Variants in TMEFF1 observed in about 807,000 individuals in gnomAD.
TMEFF1 encodes the protein tomoregulin-1.
Under a neutral mutation model 47.5 loss-of-function variants are expected in TMEFF1, and 20 were observed. The ratio of observed to expected loss-of-function variants is 0.42; its 90% CI spans 0.30 to 0.61. The LOEUF (loss-of-function observed/expected upper bound fraction) is 0.61. TMEFF1 is among the 20% of genes least tolerant of loss of function. The probability of loss-of-function intolerance (pLI) is 0.19; values close to 1 mark genes in which losing one functional copy is unlikely to be tolerated. For synonymous variants in TMEFF1, 162 were observed against 166.3 expected (o/e 0.97, Z 0.20); for missense variants, 411 against 471.1 (o/e 0.87, Z 1.18).
intron 1 of TMEFF1, among the ~76,000 whole-genome samples, chr9:100,489,858 T>C (rs944061996): frequency 9.2e-5 from 14 of 152,282 alleles, no homozygotes; most frequent in African/African-American, 3.1e-4. Flanking sequence ...GAAGAGAGTG[T>C]CACAGCTCTG....
intron 1 of TMEFF1, among the ~76,000 whole-genome samples, chr9:100,481,059 A>C (rs1012236456): frequency 1.3e-5 from 2 of 152,168 alleles, no homozygotes; most frequent in African/African-American, 4.8e-5. Flanking sequence ...TTGGCTTGGA[A>C]TCTTCTTGTC....
At chr9:100,560,514 A>T (rs1425694858) in intron 7 of TMEFF1, among the ~76,000 whole-genome samples, 1 of 152,158 alleles carries the variant, frequency 6.6e-6, no homozygotes, top group Non-Finnish European at 1.5e-5. Context: ...ACAAAAATCC[A>T]TTCCCAAATT....
Position 100,533,190 on chromosome 9 carries a change from C to T in TMEFF1, c.561-14554C>T, listed in dbSNP as rs146135181. On this transcript the variant is annotated intron_variant, in intron 5 of 9. Coordinates refer to ENST00000374879, the MANE Select transcript of TMEFF1 (RefSeq NM_003692.5). The stretch of plus-strand genomic sequence containing the variant: ...CCAGCATGGCACATGTATACATATG[C>T]AACTAACCTGCACAATGTGCACATG... Among the ~76,000 whole-genome samples, 407 of 151,714 alleles carry T rather than the reference C, an allele frequency of 2.7e-3. 6 individuals carry two copies. The highest frequency in any genetic ancestry group is 0.022 in the Admixed American group (328 of 15,232).
Position 100,484,896 on chromosome 9 carries a change from C to G in TMEFF1, c.196+11156C>G, listed in dbSNP as rs558894144. Among the ~76,000 whole-genome samples the G allele has an allele frequency of 3.3e-5, 5 of 150,950 alleles. No homozygotes were observed. In the East Asian group the frequency reaches 9.9e-4, roughly 30 times the overall value. ...TTCACTGCGTTGGCCAGGCTGGTCTCAAACTCCTGACCTCAAGTGATCTGC... is the reference window on the plus strand; with the variant it reads ...TTCACTGCGTTGGCCAGGCTGGTCTGAAACTCCTGACCTCAAGTGATCTGC... On this transcript the variant is annotated intron_variant, in intron 1 of 9. Coordinates refer to ENST00000374879, the MANE Select transcript of TMEFF1 (RefSeq NM_003692.5).
intron 2 of TMEFF1, among the ~76,000 whole-genome samples, chr9:100,504,124 A>G (rs1040480806): frequency 7.2e-5 from 11 of 152,256 alleles, no homozygotes; most frequent in African/African-American, 2.7e-4. Flanking sequence ...AAGAAAAGGT[A>G]CAGGGGAGAG....
rs1837338524 is a variant in TMEFF1 at position 100,481,574 on chromosome 9, G to A, written c.196+7834G>A. Among the ~76,000 whole-genome samples the A allele has an allele frequency of 3.3e-5, 5 of 152,154 alleles. No homozygotes were observed. In the South Asian group the frequency reaches 1.0e-3, roughly 32 times the overall value. ...GTCTTCAAGGCCCATCTGAAGTTTT[G>A]GCATTTGGTTCAAAGACATCAAGAA... On this transcript the variant is annotated intron_variant, in intron 1 of 9. Coordinates refer to ENST00000374879, the MANE Select transcript of TMEFF1 (RefSeq NM_003692.5).
At chr9:100,573,873 A>C (rs1312166949) in intron 9 of TMEFF1, among the ~76,000 whole-genome samples, 4 of 152,296 alleles carry the variant, frequency 2.6e-5, no homozygotes, top group Admixed American at 2.6e-4. Flanking sequence ...ACTGAATATA[A>C]AATTGGACGG....
At chr9:100,575,848 A>G (rs1311895525) in intron 9 of TMEFF1, among the ~76,000 whole-genome samples, 1 of 151,882 alleles carries the variant, frequency 6.6e-6, no homozygotes, top group Non-Finnish European at 1.5e-5. Context: ...CAGGCACAAG[A>G]GCAGTTCCAA....
intron 1 of TMEFF1, among the ~76,000 whole-genome samples, chr9:100,483,068 T>C (rs1837371028): frequency 6.6e-6 from 1 of 152,238 alleles, no homozygotes; most frequent in Non-Finnish European, 1.5e-5. Context: ...TTTCTTTAAC[T>C]CCATTGTCAT....
intron 1 of TMEFF1, among the ~76,000 whole-genome samples, chr9:100,494,090 C>G (rs1385036927): frequency 6.6e-6 from 1 of 151,714 alleles, no homozygotes; most frequent in Non-Finnish European, 1.5e-5. Flanking sequence ...AGGCTGAGGC[C>G]CAGCTATTTG....
At chr9:100,479,135 C>T (rs920691658) in intron 1 of TMEFF1, among the ~76,000 whole-genome samples, 2 of 152,120 alleles carry the variant, frequency 1.3e-5, no homozygotes, top group African/African-American at 4.8e-5. Context: ...CTTTTATCTT[C>T]TAGATCCCTG....
intron 5 of TMEFF1, among the ~76,000 whole-genome samples, chr9:100,525,251 C>T (rs1246757714): frequency 6.6e-6 from 1 of 152,076 alleles, no homozygotes; most frequent in Non-Finnish European, 1.5e-5. Flanking sequence ...TTGGAGTTAG[C>T]GCAGACCCAC....
At chr9:100,526,377 A>G (rs928374992) in intron 5 of TMEFF1, among the ~76,000 whole-genome samples, 2 of 151,384 alleles carry the variant, frequency 1.3e-5, no homozygotes, top group South Asian at 2.1e-4. Context: ...TCTTTTTTCT[A>G]TTTTTGGTAC....
intron 1 of TMEFF1, among the ~76,000 whole-genome samples, chr9:100,489,677 C>T (rs1411516618): frequency 6.6e-6 from 1 of 151,890 alleles, no homozygotes; most frequent in African/African-American, 2.4e-5. Flanking sequence ...TTAAAATAGG[C>T]ATTAAAAAAA....
At chr9:100,491,011 T>A (rs916738984) in intron 1 of TMEFF1, among the ~76,000 whole-genome samples, 2 of 152,082 alleles carry the variant, frequency 1.3e-5, no homozygotes, top group African/African-American at 4.8e-5. Flanking sequence ...TGGCAGGTTT[T>A]TCATATAAAA....
At chr9:100,543,923 A>G (rs1838684355) in intron 5 of TMEFF1, among the ~76,000 whole-genome samples, 1 of 152,052 alleles carries the variant, frequency 6.6e-6, no homozygotes. Flanking sequence ...AGTTGTAATT[A>G]AAACTTAATT....
intron 2 of TMEFF1, among the ~76,000 whole-genome samples, chr9:100,505,432 A>C (rs1321391869): frequency 2.1e-4 from 31 of 150,742 alleles, no homozygotes; most frequent in African/African-American, 7.3e-4. Context: ...AAAAAAAAAA[A>C]AAAAAAAAAC....
chr9:100,541,165 A>T (rs1422365045), intron 5 of TMEFF1, among the ~76,000 whole-genome samples: 2 of 152,178 alleles, frequency 1.3e-5, no homozygotes, highest in East Asian at 1.9e-4. Context: ...ATGGACCTCT[A>T]CCCATTTATT....
intron 4 of TMEFF1, among the ~76,000 whole-genome samples, chr9:100,514,452 G>A (rs1209711214): frequency 2.6e-5 from 4 of 152,040 alleles, no homozygotes; most frequent in African/African-American, 9.7e-5. Context: ...GATTTTAGGC[G>A]ATCATGTAGT....
Sources: allele counts gnomAD v4.1 joint callset (sites outside exome capture counted in the v4.1 genomes callset), GRCh38; gene constraint gnomAD v4.1.1; transcripts MANE v1.5; gene names NCBI Gene and HGNC (gene_info 2026-07-23, HGNC 2026-07-21).